SERPINB7: variants seen among roughly 807,000 people sequenced by gnomAD.
SERPINB7 encodes serpin family B member 7, also known as serpin B7.
In SERPINB7, 31 loss-of-function variants were observed where a neutral mutation model predicts 37.4. The observed-to-expected ratio is 0.83, with a 90% CI of 0.62 to 1.12. The LOEUF (loss-of-function observed/expected upper bound fraction) is 1.12. Among genes scored for constraint, SERPINB7 ranks in the 50% most tolerant of loss-of-function variants. The pLI is 0.00. For missense variants in SERPINB7, 521 were observed against 455.3 expected (o/e 1.14, Z -1.31); for synonymous variants, 163 against 166.1 (o/e 0.98, Z 0.14).
chr18:63,758,618 A>C (rs1568198558), intron 1 of SERPINB7, among the ~76,000 whole-genome samples: 1 of 152,180 alleles, frequency 6.6e-6, no homozygotes, highest in Non-Finnish European at 1.5e-5. Flanking sequence ...TTTTTATAAT[A>C]AGAAAAGAAT....
At chr18:63,800,199 A>G (rs2049532787) in intron 6 of SERPINB7, among the ~76,000 whole-genome samples, 1 of 151,840 alleles carries the variant, frequency 6.6e-6, no homozygotes, top group Admixed American at 6.6e-5. Flanking sequence ...GAGTACAGGC[A>G]TGTTCCACCA....
upstream of SERPINB7, among the ~76,000 whole-genome samples, chr18:63,771,894 G>C (rs953387532): frequency 6.6e-6 from 1 of 151,172 alleles, no homozygotes; most frequent in Non-Finnish European, 1.5e-5. Context: ...AAATGATCAG[G>C]AAGGCTTCAT....
At chr18:63,791,649 T>A (rs558553325) in intron 2 of SERPINB7, among the ~76,000 whole-genome samples, 1 of 152,068 alleles carries the variant, frequency 6.6e-6, no homozygotes, top group Admixed American at 6.6e-5. Context: ...CTCACTCTGT[T>A]GCCCAGGCTG....
chr18:63,754,814 T>G (rs956682933), intron 1 of SERPINB7, among the ~76,000 whole-genome samples: 4 of 151,930 alleles, frequency 2.6e-5, no homozygotes, highest in Non-Finnish European at 5.9e-5. Context: ...ATCACGGACT[T>G]TGAAGGGACA....
At chr18:63,782,318 T>C in intron 1 of SERPINB7, 37 bp from the exon 2 acceptor site, 3 of 1,200,690 alleles carry the variant, frequency 2.5e-6, no homozygotes, top group South Asian at 4.9e-5. Context: ...CTAGAAAATG[T>C]ACCGGGAACT....
At chr18:63,799,283 C>T (rs540120753) in intron 6 of SERPINB7, among the ~76,000 whole-genome samples, 3 of 152,112 alleles carry the variant, frequency 2.0e-5, no homozygotes, top group Non-Finnish European at 4.4e-5. Context: ...AACATATATT[C>T]TTGGGTTTTA....
chr18:63,789,745 A>G (rs2049407732), intron 2 of SERPINB7, among the ~76,000 whole-genome samples: 1 of 152,242 alleles, frequency 6.6e-6, no homozygotes, highest in Non-Finnish European at 1.5e-5. Context: ...CAAAGATGCA[A>G]GATTCTCAAA....
chr18:63,766,592 G>A (rs559930422), intron 1 of SERPINB7, among the ~76,000 whole-genome samples: 27 of 151,928 alleles, frequency 1.8e-4, no homozygotes, highest in African/African-American at 5.8e-4. Context: ...ATGCCCTTGG[G>A]GATCATTTTG....
At position 63,762,632 on chromosome 18, in the gene SERPINB7, G is replaced by A. The variant is rs149614084; in HGVS notation, c.-19+9512G>A. Among the ~76,000 whole-genome samples, 31 of 152,282 alleles carry A rather than the reference G, an allele frequency of 2.0e-4. No homozygotes were observed. The East Asian group carries it at 6.0e-3, about 29-fold the overall frequency. On this transcript the variant is annotated intron_variant, in intron 1 of 7. Transcript: ENST00000336429. ...CTTATTTCCCCCCCATGATAGCTCT[G>A]GGGGAGTGACGAGAGCAGAAAACTA...
At position 63,796,388 on chromosome 18, in the gene SERPINB7, G is replaced by T; in HGVS notation, c.454+5G>T. On this transcript the variant is annotated splice_donor_5th_base_variant and intron_variant, in intron 5 of 7. Coordinates refer to ENST00000398019, the MANE Select transcript of SERPINB7 (RefSeq NM_003784.4). Reference sequence around the variant, plus strand: ...GGGTTGAAAATGAAACACATGGTGAGTATTGAAATACCCTATTTTTCTACA... The same window carrying T: ...GGGTTGAAAATGAAACACATGGTGATTATTGAAATACCCTATTTTTCTACA... 1 of 1,419,174 alleles carries T rather than the reference G, an allele frequency of 7.0e-7. No homozygotes were observed. Among genetic ancestry groups the T allele is most frequent in the Non-Finnish European group, 1.0e-6 (1 of 1,004,136 alleles). 87.9% of individuals were successfully genotyped at this position (1,419,174 alleles called of 1,614,324 possible).
chr18:63,759,608 C>T (rs996502479), intron 1 of SERPINB7, among the ~76,000 whole-genome samples: 1 of 152,156 alleles, frequency 6.6e-6, no homozygotes. Flanking sequence ...CTCTCTCCTA[C>T]CCCTGAAGTG....
At chr18:63,783,745 C>T (rs2144615531) in intron 2 of SERPINB7, among the ~76,000 whole-genome samples, 1 of 152,248 alleles carries the variant, frequency 6.6e-6, no homozygotes, top group South Asian at 2.1e-4. Context: ...TGATGTCGTC[C>T]CTTTCTGCCC....
chr18:63,793,179 C>A lies in SERPINB7; in HGVS notation c.238C>A (p.Leu80Met), dbSNP rs1599015495. 2.5e-6 allele frequency: 4 copies of A among 1,582,072 alleles called. No individual in the cohort carries two copies. The African/African-American group carries it at 4.1e-5, about 16-fold the overall frequency. ...SNSQSGLQSQ[L>M]KRVFSDINAS... ...ATAACAGTCAGGGCTCCAGTCTCAA[C>A]TGAAAAGAGTTTTTTCTGATATAAA... The change falls in exon 4 of 8, where the codon CTG becomes ATG. Residue 80 changes from leucine (L) to methionine (M), a missense_variant. By Grantham distance (15) the Leu-to-Met change is conservative. Coordinates refer to ENST00000398019, the MANE Select transcript of SERPINB7 (RefSeq NM_003784.4).
intron 6 of SERPINB7, among the ~76,000 whole-genome samples, chr18:63,799,545 T>C (rs2049524776): frequency 6.6e-6 from 1 of 152,236 alleles, no homozygotes; most frequent in Non-Finnish European, 1.5e-5. Flanking sequence ...TGTAATATGC[T>C]GTTGAATCTA....
intron 4 of SERPINB7, 77 bp from the exon 5 acceptor site, chr18:63,796,189 A>G: frequency 1.2e-6 from 1 of 820,772 alleles, no homozygotes; most frequent in Non-Finnish European, 2.0e-6. Flanking sequence ...AGTCGAAATT[A>G]AAAGTTCAAA....
chr18:63,778,729 C>T lies in SERPINB7; in HGVS notation c.-19+3013C>T, dbSNP rs149967920. On this transcript the variant is annotated intron_variant, in intron 1 of 7. Transcript: ENST00000398019. ...ATCTATTTTTATTGTTGTTTTGATG[C>T]TAATAATATATTAGCTAAAGGATGA... Among the ~76,000 whole-genome samples, 984 of 151,968 alleles carry T rather than the reference C, an allele frequency of 6.5e-3. 6 individuals are homozygous for T. Among genetic ancestry groups the T allele is most frequent in the African/African-American group, 0.023 (941 of 41,474 alleles).
intron 4 of SERPINB7, among the ~76,000 whole-genome samples, chr18:63,794,181 C>T (rs2049460887): frequency 1.5e-5 from 2 of 136,022 alleles, no homozygotes; most frequent in South Asian, 4.7e-4. Flanking sequence ...TGGCTGGTCT[C>T]AAACTCTTGA....
At chr18:63,799,049 A>G (rs1378825748) in intron 6 of SERPINB7, among the ~76,000 whole-genome samples, 1 of 152,258 alleles carries the variant, frequency 6.6e-6, no homozygotes, top group Non-Finnish European at 1.5e-5. Flanking sequence ...AAGAAAATAT[A>G]TGACAAAAGT....
At position 63,794,398 on chromosome 18, in the gene SERPINB7, A is replaced by G. The variant is rs564736834; in HGVS notation, c.336+1121A>G. 3.3e-5 allele frequency among the ~76,000 whole-genome samples: 5 copies of G among 152,172 alleles called. No individual in the cohort carries two copies. In the East Asian group the frequency reaches 9.7e-4, roughly 29 times the overall value. ...TTTCAACCTTCCTAGGCCATGGACTACTTAAAACTACTCTTTGTGCGGTGG... is the reference window on the plus strand; with the variant it reads ...TTTCAACCTTCCTAGGCCATGGACTGCTTAAAACTACTCTTTGTGCGGTGG... On this transcript the variant is annotated intron_variant, in intron 4 of 7. Coordinates refer to ENST00000398019, the MANE Select transcript of SERPINB7 (RefSeq NM_003784.4).
Sources: allele counts gnomAD v4.1 joint callset (sites outside exome capture counted in the v4.1 genomes callset), GRCh38; gene constraint gnomAD v4.1.1; transcripts MANE v1.5; gene names NCBI Gene and HGNC (gene_info 2026-07-23, HGNC 2026-07-21).